The following SLC35F3 variants were observed in gnomAD, a reference collection of about 807,000 sequenced individuals.
SLC35F3 encodes the protein solute carrier family 35 member F3.
SLC35F3 carries 25 observed loss-of-function variants against 49.9 expected under a neutral mutation model. The observed-to-expected ratio is 0.50, with a 90% CI of 0.37 to 0.70. SLC35F3 has a LOEUF of 0.70. Ranked by LOEUF, SLC35F3 falls within the 30% of genes least tolerant of loss-of-function variation. SLC35F3 has a pLI of 0.00. For missense variants in SLC35F3, 525 were observed against 639.8 expected (o/e 0.82, Z 1.94); for synonymous variants, 275 against 265.4 (o/e 1.04, Z -0.35).
chr1:234,074,775 A>G (rs530152351), intron 2 of SLC35F3, among the ~76,000 whole-genome samples: 9 of 152,374 alleles, frequency 5.9e-5, no homozygotes, highest in African/African-American at 2.2e-4. Flanking sequence ...GGGCAAAAAT[A>G]CTTCAAGTGC....
chr1:234,305,631 C>T (rs185552950), intron 3 of SLC35F3, among the ~76,000 whole-genome samples: 10 of 152,310 alleles, frequency 6.6e-5, no homozygotes, highest in Admixed American at 1.3e-4. Context: ...GATCCACCCA[C>T]CTTGGCCTCC....
intron 3 of SLC35F3, among the ~76,000 whole-genome samples, chr1:234,273,263 T>C (rs1668138568): frequency 1.3e-5 from 2 of 152,246 alleles, no homozygotes; most frequent in Non-Finnish European, 2.9e-5. Flanking sequence ...CTATCCCTTA[T>C]ACAGGCTGTT....
chr1:233,947,729 C>T (rs1662535519), intron 2 of SLC35F3, among the ~76,000 whole-genome samples: 1 of 148,582 alleles, frequency 6.7e-6, no homozygotes, highest in Admixed American at 6.7e-5. Flanking sequence ...TGTGTCCATA[C>T]TCCCTGGGAC....
At chr1:234,318,522 C>T (rs575915078) in intron 5 of SLC35F3, among the ~76,000 whole-genome samples, 173 of 152,308 alleles carry the variant, frequency 1.1e-3, no homozygotes, top group Middle Eastern at 3.4e-3. Context: ...AAACCCATGA[C>T]TTCCAAAGAA....
intron 3 of SLC35F3, among the ~76,000 whole-genome samples, chr1:234,266,884 T>TTG (rs1052460574): frequency 2.0e-5 from 3 of 149,054 alleles, no homozygotes; most frequent in South Asian, 2.1e-4. Context: ...TTTTTTTTTT[T>TTG]TTTTTTTTTT....
chr1:233,992,280 G>A (rs1328214915), intron 2 of SLC35F3, among the ~76,000 whole-genome samples: 1 of 152,196 alleles, frequency 6.6e-6, no homozygotes, highest in East Asian at 1.9e-4. Context: ...ATCTGTCTTA[G>A]TCCATTTCTG....
chr1:233,969,018 AT>A (rs1279973024), intron 2 of SLC35F3, among the ~76,000 whole-genome samples: 1 of 147,948 alleles, frequency 6.8e-6, no homozygotes, highest in Non-Finnish European at 1.5e-5. Context: ...TCTAAAGAAG[AT>A]CCCATTATGA....
intron 2 of SLC35F3, among the ~76,000 whole-genome samples, chr1:233,939,420 A>G (rs757693192): frequency 1.6e-4 from 25 of 152,248 alleles, no homozygotes; most frequent in Admixed American, 9.2e-4. Flanking sequence ...GTGCCACTCC[A>G]CTCCAGCCTG....
chr1:234,291,938 T>C (rs1261886480), intron 3 of SLC35F3, among the ~76,000 whole-genome samples: 2 of 152,020 alleles, frequency 1.3e-5, no homozygotes, highest in Admixed American at 6.6e-5. Context: ...GGGATGAGAG[T>C]AACGGGATCA....
rs1285956199 is a variant in SLC35F3 at position 233,957,656 on chromosome 1, A to G, written c.283+51898A>G. Among the ~76,000 whole-genome samples the G allele has an allele frequency of 1.3e-5, 2 of 152,178 alleles. No individual in the cohort carries two copies. The highest frequency in any genetic ancestry group is 2.9e-5 in the Non-Finnish European group (2 of 68,030). On this transcript the variant is annotated intron_variant, in intron 2 of 7. Transcript: ENST00000366618. This position sits in a 1 kb window ranked among gnomAD's most constrained non-coding sequence, Gnocchi z 4.0. ...ACGGTGAAAGCTCGTCTCTAATTAA[A>G]GTACAAAAATTAGTTAGGCATGGTG...
intron 2 of SLC35F3, among the ~76,000 whole-genome samples, chr1:234,123,156 C>A (rs1037817493): frequency 3.9e-5 from 6 of 152,162 alleles, no homozygotes; most frequent in Admixed American, 3.9e-4. Context: ...TTAATAATCA[C>A]CATTCTGACT....
At chr1:234,021,081 A>G (rs1056402410) in intron 2 of SLC35F3, among the ~76,000 whole-genome samples, 2 of 152,178 alleles carry the variant, frequency 1.3e-5, no homozygotes, top group Non-Finnish European at 2.9e-5. Flanking sequence ...AGCCCCCATG[A>G]TGCATCAGAC....
chr1:234,059,596 G>GACATAGACATAGA, intron 2 of SLC35F3, among the ~76,000 whole-genome samples: 1 of 149,332 alleles, frequency 6.7e-6, no homozygotes, highest in South Asian at 2.2e-4. Context: ...TAGAGCTAGA[G>GACATAGACATAGA]CTAGAGACAT....
chr1:234,049,469 G>A (rs927870076), intron 2 of SLC35F3, among the ~76,000 whole-genome samples: 2 of 152,014 alleles, frequency 1.3e-5, no homozygotes, highest in South Asian at 2.1e-4. Flanking sequence ...AAGTTAGGAC[G>A]AGAATTCCCA....
At chr1:233,990,199 A>G (rs1018849261) in intron 2 of SLC35F3, among the ~76,000 whole-genome samples, 7 of 152,176 alleles carry the variant, frequency 4.6e-5, no homozygotes, top group African/African-American at 1.7e-4. Flanking sequence ...TTCACAATGG[A>G]CATAATAGTA....
At chr1:234,192,212 A>G (rs1317402873) in intron 2 of SLC35F3, among the ~76,000 whole-genome samples, 2 of 152,186 alleles carry the variant, frequency 1.3e-5, no homozygotes, top group African/African-American at 4.8e-5. Flanking sequence ...CATAAATGCT[A>G]GTGAACCAAA....
chr1:233,987,516 A>G (rs1553294606), intron 2 of SLC35F3, among the ~76,000 whole-genome samples: 1 of 150,812 alleles, frequency 6.6e-6, no homozygotes, highest in African/African-American at 2.5e-5. Flanking sequence ...CCATCTTTTT[A>G]TTTTGATCTA....
intron 3 of SLC35F3, among the ~76,000 whole-genome samples, chr1:234,297,678 A>AGG (rs1396749543): frequency 6.6e-6 from 1 of 151,166 alleles, no homozygotes; most frequent in Non-Finnish European, 1.5e-5. Context: ...CTGGAGATTG[A>AGG]GGCTGCAGTG....
chr1:233,980,561 C>T (rs1156483708), intron 2 of SLC35F3, among the ~76,000 whole-genome samples: 2 of 152,218 alleles, frequency 1.3e-5, no homozygotes, highest in Admixed American at 6.5e-5. Flanking sequence ...GGCTCTTCTT[C>T]TGGCCCTCGT....
Sources: allele counts gnomAD v4.1 joint callset (sites outside exome capture counted in the v4.1 genomes callset), GRCh38; gene constraint gnomAD v4.1.1; non-coding constraint Gnocchi (gnomAD v3.1); transcripts MANE v1.5; gene names NCBI Gene and HGNC (gene_info 2026-07-23, HGNC 2026-07-21).